Variants in CERS3 observed in about 807,000 individuals in gnomAD.
CERS3 encodes ceramide synthase 3, also known as LAG1 homolog, ceramide synthase 3.
Under a neutral mutation model 50.3 loss-of-function variants are expected in CERS3, and 33 were observed. The observed-to-expected ratio is 0.66, with a 90% CI of 0.50 to 0.88. The LOEUF (loss-of-function observed/expected upper bound fraction) is 0.88, where lower values mean the gene tolerates loss of function less well. Ranked by LOEUF, CERS3 falls within the 40% of genes least tolerant of loss-of-function variation. The probability of loss-of-function intolerance (pLI) is 0.00; values close to 1 mark genes in which losing one functional copy is unlikely to be tolerated. For missense variants in CERS3, 470 were observed against 460.3 expected, an observed-to-expected ratio of 1.02 and a Z score of -0.19; for synonymous variants, 176 against 155.2, an observed-to-expected ratio of 1.13 and a Z score of -0.99.
intron 11 of CERS3, among the ~76,000 whole-genome samples, chr15:100,415,080 A>C (rs111325646): frequency 0.37 from 55,608 of 151,976 alleles, 10,814 homozygotes; most frequent in East Asian, 0.55. Context: ...AACTTAAACA[A>C]ATTTACAAGA....
chr15:100,478,818 T>G (rs887329002), intron 7 of CERS3, among the ~76,000 whole-genome samples: 3 of 152,040 alleles, frequency 2.0e-5, no homozygotes, highest in Non-Finnish European at 2.9e-5. Flanking sequence ...GACAGGAGGA[T>G]AATAATCCCA....
At chr15:100,529,052 G>C (rs2036874703), upstream of CERS3, 1 of 152,166 alleles carries the variant, frequency 6.6e-6, no homozygotes, top group South Asian at 2.1e-4. Context: ...CTTCCTGATG[G>C]GATGTTGCTT....
intron 1 of CERS3, among the ~76,000 whole-genome samples, chr15:100,524,151 A>G (rs1048902405): frequency 1.4e-4 from 22 of 151,728 alleles, no homozygotes; most frequent in African/African-American, 5.1e-4. Context: ...AGTAGGTCAC[A>G]AAATTAATTA....
upstream of CERS3, among the ~76,000 whole-genome samples, chr15:100,530,613 C>G (rs971721034): frequency 6.6e-6 from 1 of 152,204 alleles, no homozygotes; most frequent in African/African-American, 2.4e-5. Flanking sequence ...CCTCACTGGA[C>G]AAGCCTTAGA....
chr15:100,474,414 T>C (rs1173419673), intron 8 of CERS3, among the ~76,000 whole-genome samples: 1 of 98,424 alleles, frequency 1.0e-5, no homozygotes, highest in African/African-American at 3.7e-5. Context: ...CTTTTTTTTC[T>C]TTTTTTTTTG....
chr15:100,436,850 G>A (rs367566928), intron 11 of CERS3, among the ~76,000 whole-genome samples: 94 of 151,828 alleles, frequency 6.2e-4, no homozygotes, highest in Admixed American at 1.2e-3. Context: ...GAAAAGACAC[G>A]CTGTTATCAT....
At chr15:100,449,158 T>A (rs989137194) in intron 11 of CERS3, among the ~76,000 whole-genome samples, 21 of 152,164 alleles carry the variant, frequency 1.4e-4, no homozygotes, top group African/African-American at 3.6e-4. Context: ...ACTGGCTGTG[T>A]TCACAATGAT....
upstream of CERS3, among the ~76,000 whole-genome samples, chr15:100,530,916 C>T (rs974837154): frequency 6.6e-6 from 1 of 152,012 alleles, no homozygotes; most frequent in Non-Finnish European, 1.5e-5. Flanking sequence ...AACCCTATCT[C>T]TATTAAAAAT....
intron 7 of CERS3, 147 bp downstream of exon 7, chr15:100,479,281 T>C (rs1285562338): frequency 4.0e-6 from 2 of 502,886 alleles, no homozygotes; most frequent in African/African-American, 3.9e-5. Context: ...TGAGGGTCAA[T>C]AAGGATAAGG....
intron 2 of CERS3, among the ~76,000 whole-genome samples, chr15:100,509,824 C>A (rs1314952496): frequency 6.6e-6 from 1 of 152,058 alleles, no homozygotes; most frequent in Non-Finnish European, 1.5e-5. Context: ...GGATGTAAAG[C>A]TTACTGGGGC....
chr15:100,494,504 C>T (rs2035753995), intron 3 of CERS3, among the ~76,000 whole-genome samples: 1 of 151,828 alleles, frequency 6.6e-6, no homozygotes, highest in South Asian at 2.1e-4. Context: ...GCCTTGGCCT[C>T]CCAAAGTGCT....
chr15:100,455,560 A>G (rs2034339213), intron 11 of CERS3, among the ~76,000 whole-genome samples: 1 of 152,186 alleles, frequency 6.6e-6, no homozygotes, highest in Non-Finnish European at 1.5e-5. Flanking sequence ...TATCACATAA[A>G]TATGCACAAA....
chr15:100,464,268 A>T (rs77340812), intron 10 of CERS3, among the ~76,000 whole-genome samples: 9,358 of 152,308 alleles, frequency 0.061, 410 homozygotes, highest in Non-Finnish European at 0.097. Flanking sequence ...TCTGAGAAAC[A>T]CAGGTCAATG....
chr15:100,454,967 C>T (rs777985957), intron 11 of CERS3, among the ~76,000 whole-genome samples: 1 of 152,032 alleles, frequency 6.6e-6, no homozygotes, highest in Admixed American at 6.6e-5. Flanking sequence ...CAGTGGCCAA[C>T]AGACATGTGA....
chr15:100,499,922 T>C (rs1412637422), intron 3 of CERS3, among the ~76,000 whole-genome samples: 1 of 152,194 alleles, frequency 6.6e-6, no homozygotes, highest in Non-Finnish European at 1.5e-5. Context: ...CCCTTACATG[T>C]TAACTGTGTG....
intron 3 of CERS3, chr15:100,500,573 C>G (rs2035966794): frequency 6.6e-6 from 1 of 152,198 alleles, no homozygotes; most frequent in South Asian, 2.1e-4. Flanking sequence ...GCAAAAACAC[C>G]TAGTATTTCA....
At chr15:100,479,906 T>C (rs1396821725) in intron 6 of CERS3, 83 bp downstream of exon 6, 4 of 967,026 alleles carry the variant, frequency 4.1e-6, no homozygotes, top group Non-Finnish European at 6.5e-6. Flanking sequence ...TTATTGAAAG[T>C]ACTATACCCT....
chr15:100,494,929 T>C (rs1427976126), intron 3 of CERS3, among the ~76,000 whole-genome samples: 2 of 152,250 alleles, frequency 1.3e-5, no homozygotes, highest in East Asian at 3.8e-4. Context: ...TCTCATGTTC[T>C]AGGTTTTCCT....
rs111534942 is a variant in CERS3, at chr15:100,543,686, C to T, written c.-355+965G>A. 2.0e-5 allele frequency among the ~76,000 whole-genome samples: 3 copies of T among 152,176 alleles called. No homozygotes were observed. The East Asian group carries it at 5.8e-4, about 29-fold the overall frequency. The stretch of plus-strand genomic sequence containing the variant: ...CTGGGATCACAGGTGCCCACCACCA[C>T]GCTCGGCTTATTTTTGTATTTTGAG... On this transcript the variant is annotated intron_variant, in intron 1 of 12. Transcript: ENST00000284382.
Sources: allele counts gnomAD v4.1 joint callset (sites outside exome capture counted in the v4.1 genomes callset), GRCh38; gene constraint gnomAD v4.1.1; transcripts MANE v1.5; gene names NCBI Gene and HGNC (gene_info 2026-07-23, HGNC 2026-07-21).